The following WARS2 variants were observed in gnomAD, a reference collection of about 807,000 sequenced individuals.
The protein encoded by WARS2 is tryptophanyl tRNA synthetase 2, mitochondrial, also known as tryptophan--tRNA ligase, mitochondrial.
Under a neutral mutation model 36.5 loss-of-function variants are expected in WARS2, and 28 were observed. That is an observed-to-expected ratio of 0.77 (90% CI 0.57 to 1.05). WARS2 has a LOEUF of 1.05. WARS2 is among the 50% of genes least tolerant of loss of function. The probability of loss-of-function intolerance (pLI) is 0.00; values close to 1 mark genes in which losing one functional copy is unlikely to be tolerated. For synonymous variants in WARS2, 174 were observed against 178.4 expected, an observed-to-expected ratio of 0.98 and a Z score of 0.20; for missense variants, 435 against 456.8, an observed-to-expected ratio of 0.95 and a Z score of 0.44.
chr1:119,097,033 G>C (rs1425854570), intron 1 of WARS2, among the ~76,000 whole-genome samples: 1 of 152,100 alleles, frequency 6.6e-6, no homozygotes, highest in Admixed American at 6.6e-5. Context: ...TAATTATAAG[G>C]TAACTGTAAA....
At chr1:119,034,073 C>G in intron 5 of WARS2, 22 bp downstream of exon 5, 2 of 1,594,190 alleles carry the variant, frequency 1.3e-6, no homozygotes, top group Non-Finnish European at 1.7e-6. Context: ...CCTGATGTAA[C>G]AATTATAAGT....
chr1:119,045,582 C>G lies in WARS2; in HGVS notation c.429G>C (p.Lys143Asn). The change falls in exon 3 of 6, where the codon AAG becomes AAC. Residue 143 changes from lysine to asparagine, a missense_variant and splice_region_variant. Lys to Asn is a moderately conservative substitution (Grantham distance 94). Coordinates refer to ENST00000235521, the MANE Select transcript of WARS2 (RefSeq NM_015836.4). ...LPRLQHLHQW[K>N]AKTTKQKHDG... ...TATTAATCAGATTACTGGCATTTAC[C>G]TTCCACTGATGTAAATGTTGTAATC... The G allele has an allele frequency of 3.1e-6, 5 of 1,588,718 alleles. No homozygotes were observed. The highest frequency in any genetic ancestry group is 3.4e-6 in the Non-Finnish European group (4 of 1,163,050).
chr1:119,061,526 G>C (rs1279214892), intron 2 of WARS2, among the ~76,000 whole-genome samples: 1 of 152,154 alleles, frequency 6.6e-6, no homozygotes, highest in Non-Finnish European at 1.5e-5. Flanking sequence ...GATAGAGTTA[G>C]AAGATTGAGA....
chr1:119,106,882 C>T (rs587670357), intron 1 of WARS2, among the ~76,000 whole-genome samples: 64 of 152,304 alleles, frequency 4.2e-4, no homozygotes, highest in African/African-American at 1.5e-3. Context: ...AAGAAACTGC[C>T]AGATTGTCTT....
At chr1:119,083,362 C>G (rs1010526768) in intron 1 of WARS2, among the ~76,000 whole-genome samples, 1 of 152,228 alleles carries the variant, frequency 6.6e-6, no homozygotes, top group Admixed American at 6.5e-5. Context: ...ATCTTGAAAA[C>G]AGAGAGCGGC....
At chr1:119,047,902 C>T (rs1183936193) in intron 2 of WARS2, among the ~76,000 whole-genome samples, 2 of 152,208 alleles carry the variant, frequency 1.3e-5, no homozygotes, top group Non-Finnish European at 2.9e-5. Flanking sequence ...AGATTTCAGA[C>T]CTCTAATTCT....
intron 1 of WARS2, chr1:119,127,234 T>C: frequency 1.3e-6 from 1 of 760,400 alleles, no homozygotes. Flanking sequence ...TCGACCACTT[T>C]CTTCTTGGCT....
intron 2 of WARS2, among the ~76,000 whole-genome samples, chr1:119,067,225 A>T (rs1023740010): frequency 4.6e-5 from 7 of 152,372 alleles, no homozygotes; most frequent in African/African-American, 1.7e-4. Flanking sequence ...GCTATATTAT[A>T]TGCAATACAA....
At chr1:119,058,062 T>G (rs1408519115) in intron 2 of WARS2, among the ~76,000 whole-genome samples, 1 of 152,194 alleles carries the variant, frequency 6.6e-6, no homozygotes, top group Non-Finnish European at 1.5e-5. Flanking sequence ...TTTCCCCATA[T>G]TTTCTTTCAG....
chr1:119,077,007 G>A (rs1043568825), intron 1 of WARS2, among the ~76,000 whole-genome samples: 3 of 151,814 alleles, frequency 2.0e-5, no homozygotes, highest in African/African-American at 7.3e-5. Context: ...GGGCGTGGTG[G>A]TACACCTTTA....
intron 2 of WARS2, among the ~76,000 whole-genome samples, chr1:119,075,160 A>T (rs1007389601): frequency 6.6e-6 from 1 of 152,062 alleles, no homozygotes; most frequent in Non-Finnish European, 1.5e-5. Context: ...TAGTGTATAT[A>T]TATACATATA....
At chr1:119,069,035 C>T (rs1651098444) in intron 2 of WARS2, among the ~76,000 whole-genome samples, 1 of 152,146 alleles carries the variant, frequency 6.6e-6, no homozygotes, top group African/African-American at 2.4e-5. Context: ...AGAAAGAATG[C>T]AAAGGATTGG....
chr1:119,079,689 C>G (rs895195106), intron 1 of WARS2, among the ~76,000 whole-genome samples: 18 of 152,222 alleles, frequency 1.2e-4, no homozygotes, highest in African/African-American at 3.9e-4. Flanking sequence ...CCAAATCCTA[C>G]AAATATAGTC....
chr1:119,131,921 T>C (rs1336334158), intron 1 of WARS2, among the ~76,000 whole-genome samples: 3 of 151,718 alleles, frequency 2.0e-5, no homozygotes, highest in Admixed American at 2.0e-4. Flanking sequence ...GGAAGAATAG[T>C]ATGGCAATGG....
chr1:119,130,953 G>A (rs1453976378), intron 1 of WARS2, among the ~76,000 whole-genome samples: 1 of 152,144 alleles, frequency 6.6e-6, no homozygotes, highest in Non-Finnish European at 1.5e-5. Context: ...TGCACCTGTG[G>A]TATGGTGCAT....
intron 3 of WARS2, 149 bp downstream of exon 3, chr1:119,045,433 A>T: frequency 1.6e-6 from 1 of 644,952 alleles, no homozygotes; most frequent in Non-Finnish European, 2.7e-6. Context: ...TTTTCCTTTT[A>T]ATACCCTGAA....
intron 1 of WARS2, among the ~76,000 whole-genome samples, chr1:119,080,559 T>TA (rs915423171): frequency 6.6e-5 from 10 of 152,086 alleles, no homozygotes; most frequent in Admixed American, 2.6e-4. Flanking sequence ...AAGGCGCTGT[T>TA]AAAAAAATAC....
chr1:119,077,462 CT>C (rs1314455092), intron 1 of WARS2, among the ~76,000 whole-genome samples: 9 of 152,088 alleles, frequency 5.9e-5, no homozygotes, highest in Non-Finnish European at 2.9e-5. Context: ...CTACTATTGC[CT>C]TAAGATTTTT....
At chr1:119,039,006 C>T (rs1648122713) in intron 4 of WARS2, among the ~76,000 whole-genome samples, 1 of 152,136 alleles carries the variant, frequency 6.6e-6, no homozygotes, top group African/African-American at 2.4e-5. Context: ...TATCCTCTTC[C>T]CAAATTTTTC....
Sources: allele counts gnomAD v4.1 joint callset (sites outside exome capture counted in the v4.1 genomes callset), GRCh38; gene constraint gnomAD v4.1.1; transcripts MANE v1.5; gene names NCBI Gene and HGNC (gene_info 2026-07-23, HGNC 2026-07-21).